Variants in DLG2 observed in about 807,000 individuals in gnomAD.
The protein encoded by DLG2 is discs large MAGUK scaffold protein 2, also known as disks large homolog 2.
A neutral mutation model predicts 132.5 loss-of-function variants in DLG2; 45 were observed. That is an observed-to-expected ratio of 0.34 (90% CI 0.27 to 0.44). The LOEUF is 0.44. DLG2 is among the 20% of genes least tolerant of loss of function. The probability of loss-of-function intolerance (pLI) is 1.00; values close to 1 mark genes in which losing one functional copy is unlikely to be tolerated. For synonymous variants in DLG2, 424 were observed against 419.6 expected, an observed-to-expected ratio of 1.01 and a Z score of -0.13; for missense variants, 1,045 against 1,196.9, an observed-to-expected ratio of 0.87 and a Z score of 1.87.
intron 17 of DLG2, among the ~76,000 whole-genome samples, chr11:83,795,837 T>A (rs10501548): frequency 0.096 from 14,649 of 152,252 alleles, 844 homozygotes; most frequent in South Asian, 0.17. Context: ...CCCCAATTTA[T>A]ATCATTAGGC....
chr11:84,313,641 A>AAAAGAAAAAG (rs1555500590), intron 7 of DLG2, among the ~76,000 whole-genome samples: 2 of 129,180 alleles, frequency 1.5e-5, no homozygotes, highest in Non-Finnish European at 3.2e-5. Context: ...GAAAGAGAGA[A>AAAAGAAAAAG]AAAGAAAGAA....
intron 5 of DLG2, among the ~76,000 whole-genome samples, chr11:85,126,375 T>C (rs538757083): frequency 7.2e-5 from 11 of 152,288 alleles, no homozygotes; most frequent in South Asian, 6.2e-4. Context: ...GTTGTTGGGT[T>C]TGTGTATTAG....
At chr11:84,897,344 T>G (rs550100774) in intron 6 of DLG2, among the ~76,000 whole-genome samples, 3 of 152,056 alleles carry the variant, frequency 2.0e-5, no homozygotes, top group African/African-American at 7.2e-5. Flanking sequence ...TTATGTTGTT[T>G]CTAGTTTTTG....
At chr11:84,273,200 A>G (rs1414051134) in intron 7 of DLG2, 2 of 1,574,956 alleles carry the variant, frequency 1.3e-6, no homozygotes, top group Admixed American at 1.9e-5. Context: ...TAAGGAAGCA[A>G]TAGTATCCCA....
chr11:85,522,602 T>C (rs1358552430), intron 3 of DLG2, among the ~76,000 whole-genome samples: 2 of 152,162 alleles, frequency 1.3e-5, no homozygotes, highest in African/African-American at 4.8e-5. Context: ...GGCTGTACCC[T>C]GCAAAGCCAC....
chr11:85,448,073 T>C (rs1037418934), intron 3 of DLG2, among the ~76,000 whole-genome samples: 2 of 152,182 alleles, frequency 1.3e-5, no homozygotes, highest in Non-Finnish European at 1.5e-5. Context: ...CGATTGCTAA[T>C]ATGAAAATTA....
chr11:85,380,545 A>C (rs1430860917), intron 3 of DLG2, among the ~76,000 whole-genome samples: 2 of 152,178 alleles, frequency 1.3e-5, no homozygotes, highest in African/African-American at 2.4e-5. Flanking sequence ...CTGTAATCCC[A>C]ACTACTCGGG....
chr11:84,688,402 G>T (rs2099739961), intron 6 of DLG2, among the ~76,000 whole-genome samples: 1 of 152,184 alleles, frequency 6.6e-6, no homozygotes, highest in Admixed American at 6.5e-5. Context: ...AGAGTGGTTA[G>T]CTTTTAGAAG....
At chr11:83,468,304 C>T (rs1027104233) in intron 25 of DLG2, among the ~76,000 whole-genome samples, 1 of 152,172 alleles carries the variant, frequency 6.6e-6, no homozygotes, top group African/African-American at 2.4e-5. Context: ...AGTTTTCTAT[C>T]TGTGAAGTGC....
intron 6 of DLG2, among the ~76,000 whole-genome samples, chr11:84,643,599 A>T (rs898733320): frequency 6.6e-5 from 10 of 152,214 alleles, no homozygotes; most frequent in African/African-American, 2.4e-4. Flanking sequence ...AAATAGGGGA[A>T]TCTTATCTCT....
At chr11:83,904,704 C>T (rs1596218127) in intron 15 of DLG2, among the ~76,000 whole-genome samples, 1 of 151,616 alleles carries the variant, frequency 6.6e-6, no homozygotes. Context: ...ATGCATTTCT[C>T]CATAGTAAAG....
intron 3 of DLG2, among the ~76,000 whole-genome samples, chr11:85,582,633 G>C (rs1418986390): frequency 9.8e-6 from 1 of 101,884 alleles, no homozygotes; most frequent in Admixed American, 1.5e-4. Flanking sequence ...AGACCAGCCT[G>C]GGCAACATGG....
chr11:85,513,457 A>G (rs896627955), intron 3 of DLG2, among the ~76,000 whole-genome samples: 12 of 152,098 alleles, frequency 7.9e-5, no homozygotes, highest in African/African-American at 2.9e-4. Flanking sequence ...TTGAGATGTC[A>G]ATAGTGAGCA....
rs952743788 is a variant in DLG2 at position 84,554,693 on chromosome 11, C to T, written c.358-19962G>A. On this transcript the variant is annotated intron_variant, in intron 6 of 27. Coordinates refer to ENST00000376104, the MANE Select transcript of DLG2 (RefSeq NM_001142699.3). ...CACAGGATGGGGAGGTTGCGGTGAG[C>T]TGAGACTGAGTCACTGCACTCCAGC... is the stretch of plus-strand genomic sequence containing the variant. 2.6e-5 allele frequency among the ~76,000 whole-genome samples: 4 copies of T among 152,164 alleles called. No homozygotes were observed. The East Asian group carries it at 5.8e-4, about 22-fold the overall frequency.
intron 11 of DLG2, among the ~76,000 whole-genome samples, chr11:84,032,667 G>A (rs2095736539): frequency 6.6e-6 from 1 of 152,136 alleles, no homozygotes; most frequent in Non-Finnish European, 1.5e-5. Flanking sequence ...ACAGATTTTC[G>A]ATGTAGACAA....
chr11:83,961,413 G>A (rs973762109), intron 14 of DLG2, among the ~76,000 whole-genome samples: 4 of 151,848 alleles, frequency 2.6e-5, no homozygotes, highest in East Asian at 1.9e-4. Context: ...AAATTAAAAC[G>A]TTTTCTCTTA....
intron 3 of DLG2, among the ~76,000 whole-genome samples, chr11:85,306,320 A>T (rs2079939820): frequency 6.6e-6 from 1 of 152,208 alleles, no homozygotes; most frequent in Non-Finnish European, 1.5e-5. Context: ...GATACAGCAA[A>T]GAGAAAGGGC....
intron 6 of DLG2, among the ~76,000 whole-genome samples, chr11:84,639,145 C>T (rs1284830677): frequency 6.6e-6 from 1 of 152,042 alleles, no homozygotes; most frequent in Non-Finnish European, 1.5e-5. Flanking sequence ...ATTCAGTAAA[C>T]CAATATTATG....
chr11:85,499,353 G>A (rs538618663), intron 3 of DLG2, among the ~76,000 whole-genome samples: 1 of 152,080 alleles, frequency 6.6e-6, no homozygotes, highest in Non-Finnish European at 1.5e-5. Flanking sequence ...TAGAAGAAAT[G>A]GATAAATTCA....
Sources: allele counts gnomAD v4.1 joint callset (sites outside exome capture counted in the v4.1 genomes callset), GRCh38; gene constraint gnomAD v4.1.1; transcripts MANE v1.5; gene names NCBI Gene and HGNC (gene_info 2026-07-23, HGNC 2026-07-21).